Variants in ZNF678 observed in about 807,000 individuals in gnomAD.
The protein encoded by ZNF678 is hypothetical protein MGC42493.
In ZNF678, 5 loss-of-function variants were observed where a neutral mutation model predicts 3.0. The ratio of observed to expected loss-of-function variants is 1.69; its 90% confidence interval spans 0.88 to 3.56. The LOEUF (loss-of-function observed/expected upper bound fraction) is 3.56, where lower values mean the gene tolerates loss of function less well. Ranked by LOEUF, ZNF678 falls within the 30% of genes most tolerant of loss-of-function variation. The pLI is 0.00. For missense variants in ZNF678, 593 were observed against 605.0 expected, an observed-to-expected ratio of 0.98 and a Z score of 0.21; for synonymous variants, 218 against 199.6, an observed-to-expected ratio of 1.09 and a Z score of -0.78.
At chr1:227,619,191 C>G (rs1658213273) in intron 1 of ZNF678, among the ~76,000 whole-genome samples, 1 of 152,108 alleles carries the variant, frequency 6.6e-6, no homozygotes. Flanking sequence ...ATATCATCAC[C>G]CATCTTCCCC....
At chr1:227,619,307 G>A (rs1658215326) in intron 1 of ZNF678, among the ~76,000 whole-genome samples, 1 of 152,148 alleles carries the variant, frequency 6.6e-6, no homozygotes, top group Non-Finnish European at 1.5e-5. Context: ...AATTGCTTGA[G>A]TAGTTGTATC....
chr1:227,663,114 AG>A (rs1258502970), downstream of ZNF678, among the ~76,000 whole-genome samples: 1 of 152,196 alleles, frequency 6.6e-6, no homozygotes, highest in Non-Finnish European at 1.5e-5. Context: ...GCAATCTACT[AG>A]TCAAGGAAAA....
chr1:227,623,946 T>G (rs1032495587), intron 1 of ZNF678, among the ~76,000 whole-genome samples: 10 of 152,212 alleles, frequency 6.6e-5, no homozygotes, highest in Non-Finnish European at 1.3e-4. Flanking sequence ...GACACATTTC[T>G]GGACTCTATG....
chr1:227,634,004 G>A (rs1005376605), intron 1 of ZNF678, among the ~76,000 whole-genome samples: 5 of 152,210 alleles, frequency 3.3e-5, no homozygotes, highest in African/African-American at 1.2e-4. Flanking sequence ...AGAGCGGGGA[G>A]GACTGTGTCT....
intron 1 of ZNF678, among the ~76,000 whole-genome samples, chr1:227,586,941 C>T (rs1224099384): frequency 6.6e-6 from 1 of 152,150 alleles, no homozygotes; most frequent in Non-Finnish European, 1.5e-5. Flanking sequence ...GAATGCAAAG[C>T]CCATGGGGGT....
intron 1 of ZNF678, among the ~76,000 whole-genome samples, chr1:227,597,071 C>G (rs1271026191): frequency 6.6e-6 from 1 of 152,186 alleles, no homozygotes; most frequent in Non-Finnish European, 1.5e-5. Context: ...CCTACCACTT[C>G]ATTGAGAAAA....
chr1:227,590,264 C>T (rs1657377498), intron 1 of ZNF678, among the ~76,000 whole-genome samples: 1 of 151,846 alleles, frequency 6.6e-6, no homozygotes, highest in Non-Finnish European at 1.5e-5. Flanking sequence ...TCTTCGACTA[C>T]TTGCCCCTGA....
At chr1:227,574,736 T>C (rs1656945206) in intron 1 of ZNF678, among the ~76,000 whole-genome samples, 1 of 152,184 alleles carries the variant, frequency 6.6e-6, no homozygotes, top group African/African-American at 2.4e-5. Context: ...TCTTGGCCCA[T>C]TTTTATGTCC....
intron 1 of ZNF678, among the ~76,000 whole-genome samples, chr1:227,622,742 A>G (rs72632833): frequency 0.077 from 11,785 of 152,234 alleles, 886 homozygotes; most frequent in East Asian, 0.34. Flanking sequence ...GGTGGGGGTT[A>G]AGGCTGAAAC....
intron 3 of ZNF678, 70 bp downstream of exon 3, chr1:227,651,146 A>G (rs1659082762): frequency 2.0e-5 from 31 of 1,555,702 alleles, no homozygotes; most frequent in Non-Finnish European, 2.5e-5. Flanking sequence ...GAGAGGGGAT[A>G]TACCTGAGTC....
At chr1:227,603,237 C>T (rs1009296382) in intron 1 of ZNF678, among the ~76,000 whole-genome samples, 15 of 152,128 alleles carry the variant, frequency 9.9e-5, no homozygotes, top group African/African-American at 3.1e-4. Flanking sequence ...GGGCATGGGG[C>T]GGGGGGAATG....
downstream of ZNF678, among the ~76,000 whole-genome samples, chr1:227,667,051 C>CT (rs74603125): frequency 4.9e-3 from 712 of 146,104 alleles, 4 homozygotes; most frequent in African/African-American, 0.014. Context: ...GGCCTCTCCT[C>CT]TTTTTTTTTT....
At chr1:227,640,609 G>A (rs1658795668) in intron 1 of ZNF678, among the ~76,000 whole-genome samples, 1 of 152,176 alleles carries the variant, frequency 6.6e-6, no homozygotes, top group African/African-American at 2.4e-5. Flanking sequence ...AATTGCTTAT[G>A]TCAGTTAAAA....
intron 1 of ZNF678, among the ~76,000 whole-genome samples, chr1:227,566,638 T>C (rs571254719): frequency 6.6e-6 from 1 of 152,242 alleles, no homozygotes; most frequent in South Asian, 2.1e-4. Context: ...TCCCTGAGTT[T>C]GTCACCTTAA....
chr1:227,679,271 A>G (rs183459568), downstream of ZNF678, among the ~76,000 whole-genome samples: 65 of 152,286 alleles, frequency 4.3e-4, no homozygotes, highest in African/African-American at 1.5e-3. Context: ...ACCACCCCTC[A>G]TATTGTCTTA....
chr1:227,614,951 G>T (rs200648155), intron 1 of ZNF678, among the ~76,000 whole-genome samples: 1 of 151,946 alleles, frequency 6.6e-6, no homozygotes, highest in Non-Finnish European at 1.5e-5. Context: ...AGTTAACAGC[G>T]TTTAATTGAA....
chr1:227,642,235 A>G (rs185617784), intron 1 of ZNF678, among the ~76,000 whole-genome samples: 270 of 152,362 alleles, frequency 1.8e-3, no homozygotes, highest in Non-Finnish European at 3.2e-3. Flanking sequence ...AGACATCAAC[A>G]TAGACTTTGT....
At chr1:227,616,831 A>G (rs1447515168) in intron 1 of ZNF678, among the ~76,000 whole-genome samples, 6 of 152,194 alleles carry the variant, frequency 3.9e-5, no homozygotes, top group Admixed American at 2.0e-4. Context: ...ATTATAGGGT[A>G]CCCCCATGAG....
chr1:227,624,547 G>A (rs916268830), intron 1 of ZNF678, among the ~76,000 whole-genome samples: 2 of 152,200 alleles, frequency 1.3e-5, no homozygotes, highest in African/African-American at 4.8e-5. Context: ...TAGAGCTCCC[G>A]AGATGGTGGT....
Sources: gnomAD v4.1 joint callset for allele counts (sites outside exome capture counted in the v4.1 genomes callset) on GRCh38, gnomAD v4.1.1 for gene constraint, MANE v1.5 for transcripts, NCBI Gene and HGNC (gene_info 2026-07-23, HGNC 2026-07-21) for gene names.